Variants in ITGAV observed in about 807,000 individuals in gnomAD.
ITGAV encodes integrin alpha-V.
Under a neutral mutation model 143.8 loss-of-function variants are expected in ITGAV, and 76 were observed. The ratio of observed to expected loss-of-function variants is 0.53; its 90% CI spans 0.44 to 0.64. The LOEUF is 0.64. ITGAV is among the 30% of genes least tolerant of loss of function. The pLI, the probability that ITGAV is intolerant of heterozygous loss-of-function variation, is 0.00. For missense variants in ITGAV, 1,193 were observed against 1,274.7 expected (o/e 0.94, Z 0.98); for synonymous variants, 453 against 446.7 (o/e 1.01, Z -0.18).
intron 13 of ITGAV, among the ~76,000 whole-genome samples, chr2:186,648,979 TATACATTTGTGTGTATATATATAC>T (rs1194690449): frequency 7.0e-6 from 1 of 142,734 alleles, no homozygotes; most frequent in Non-Finnish European, 1.5e-5. Context: ...TTTGTATATA[TATACATTTGTGTGTATATATATAC>T]ACATTTGTGT....
intron 2 of ITGAV, among the ~76,000 whole-genome samples, chr2:186,620,892 A>G (rs1233873395): frequency 6.6e-6 from 1 of 152,204 alleles, no homozygotes; most frequent in East Asian, 1.9e-4. Context: ...ACGTACATAT[A>G]TTTATAAAAT....
intron 26 of ITGAV, among the ~76,000 whole-genome samples, chr2:186,670,899 T>C (rs1043437262): frequency 5.9e-5 from 9 of 152,232 alleles, no homozygotes; most frequent in Admixed American, 3.3e-4. Flanking sequence ...CCAAGTCTGC[T>C]CTTTCCATAA....
intron 2 of ITGAV, among the ~76,000 whole-genome samples, chr2:186,613,479 G>A (rs1011764506): frequency 6.6e-6 from 1 of 152,042 alleles, no homozygotes; most frequent in East Asian, 1.9e-4. Context: ...GGAAACAGCT[G>A]TATCTTATTT....
chr2:186,669,165 T>C (rs1688993724), intron 25 of ITGAV, among the ~76,000 whole-genome samples: 1 of 152,208 alleles, frequency 6.6e-6, no homozygotes, highest in South Asian at 2.1e-4. Flanking sequence ...AGATGTGTCC[T>C]TCAGTGACTC....
At chr2:186,598,065 C>T (rs1403667212) in intron 1 of ITGAV, among the ~76,000 whole-genome samples, 5 of 152,072 alleles carry the variant, frequency 3.3e-5, no homozygotes, top group Non-Finnish European at 4.4e-5. Flanking sequence ...CGTGTACATA[C>T]CTGTGCTTGT....
chr2:186,673,137 G>A (rs751570355), intron 26 of ITGAV, among the ~76,000 whole-genome samples: 4 of 152,130 alleles, frequency 2.6e-5, no homozygotes, highest in African/African-American at 4.8e-5. Flanking sequence ...TTTTGTGTGT[G>A]GCTATCCACC....
intron 1 of ITGAV, among the ~76,000 whole-genome samples, chr2:186,596,585 G>C (rs543899907): frequency 2.0e-5 from 3 of 152,068 alleles, no homozygotes; most frequent in South Asian, 4.1e-4. Context: ...TTTTAGTAGA[G>C]ATGGGGTTTC....
intron 2 of ITGAV, among the ~76,000 whole-genome samples, chr2:186,607,991 G>C (rs1290334574): frequency 6.6e-6 from 1 of 152,184 alleles, no homozygotes; most frequent in Non-Finnish European, 1.5e-5. Context: ...CTATGGAGTT[G>C]TTGCAAAAGA....
Position 186,677,446 on chromosome 2 carries a change from C to G in ITGAV, c.*154C>G. 1 of 592,908 alleles carries G rather than the reference C, an allele frequency of 1.7e-6. No individual in the cohort carries two copies. The highest frequency in any genetic ancestry group is 2.1e-5 in the South Asian group (1 of 47,452). 36.7% of individuals were successfully genotyped at this position (592,908 alleles called of 1,614,324 possible). On this transcript the variant is annotated 3_prime_UTR_variant, in exon 30 of 30. Transcript: ENST00000261023. ...CAAAATGAGAATTATATTTGTCAAC[C>G]TTCTCCTTATAAATAAGTTCAGACA...
At chr2:186,665,339 A>C in intron 21 of ITGAV, 121 bp downstream of exon 21, 1 of 655,554 alleles carries the variant, frequency 1.5e-6, no homozygotes, top group East Asian at 2.7e-5. Flanking sequence ...ATTGGTTTCG[A>C]TATAATAGTT....
intron 5 of ITGAV, 25 bp from the exon 6 acceptor site, chr2:186,633,304 C>T: frequency 2.0e-6 from 3 of 1,506,914 alleles, no homozygotes; most frequent in Non-Finnish European, 2.7e-6. Context: ...AAATATATAT[C>T]TTTTTGTTGT....
In ITGAV at chr2:186,590,533, C is replaced by T. The variant is rs761306595; in HGVS notation, c.185+10C>T. ...TGCCCAGCGCGTCTTCGTAAGTGGC[C>T]GCACTTGGAACTGGAGCCGGCCCCC... On this transcript the variant is annotated intron_variant, in intron 1 of 29. Transcript: ENST00000261023. 1.9e-6 allele frequency: 3 copies of T among 1,609,294 alleles called. No homozygotes were observed. Among genetic ancestry groups the T allele is most frequent in the East Asian group, 2.2e-5 (1 of 44,520 alleles).
chr2:186,672,811 G>A (rs908385861), intron 26 of ITGAV, among the ~76,000 whole-genome samples: 1 of 152,018 alleles, frequency 6.6e-6, no homozygotes, highest in African/African-American at 2.4e-5. Context: ...TATATATTCT[G>A]GATACTACCT....
chr2:186,638,258 G>A lies in ITGAV; in HGVS notation c.803-19G>A, dbSNP rs202077086. ...TGTTGTCCTAAAAAATGAATAATTT[G>A]TTTGTTTGTTTGTTTCAGACTTTGT... is the stretch of plus-strand genomic sequence containing the variant. On this transcript the variant is annotated intron_variant, in intron 8 of 29. Coordinates refer to ENST00000261023, the MANE Select transcript of ITGAV (RefSeq NM_002210.5). 1 of 1,608,656 alleles carries A rather than the reference G, an allele frequency of 6.2e-7. No homozygotes were observed. The highest frequency in any genetic ancestry group is 1.1e-5 in the South Asian group (1 of 90,802).
At chr2:186,673,044 A>G (rs1405524037) in intron 26 of ITGAV, among the ~76,000 whole-genome samples, 1 of 152,196 alleles carries the variant, frequency 6.6e-6, no homozygotes, top group Non-Finnish European at 1.5e-5. Context: ...TAAGTTTTAC[A>G]CTTACAGCTC....
intron 2 of ITGAV, among the ~76,000 whole-genome samples, chr2:186,619,487 C>T (rs781688999): frequency 2.3e-4 from 35 of 151,986 alleles, no homozygotes; most frequent in Non-Finnish European, 4.3e-4. Flanking sequence ...TTTTCTACCA[C>T]TGTAGGGTTA....
intron 2 of ITGAV, 21 bp from the exon 3 acceptor site, chr2:186,622,318 A>G (rs766548417): frequency 1.3e-6 from 2 of 1,520,224 alleles, no homozygotes; most frequent in Non-Finnish European, 1.8e-6. Context: ...GTGTCTTACC[A>G]CTCACAATAT....
intron 1 of ITGAV, among the ~76,000 whole-genome samples, chr2:186,594,132 T>C (rs927354969): frequency 1.3e-5 from 2 of 152,226 alleles, no homozygotes; most frequent in African/African-American, 4.8e-5. Flanking sequence ...TAAATAAAAC[T>C]CTTGCCCTGG....
chr2:186,665,306 A>T (rs2105743107), intron 21 of ITGAV, 88 bp downstream of exon 21: 1 of 797,234 alleles, frequency 1.3e-6, no homozygotes, highest in East Asian at 2.6e-5. Context: ...TTAAAAATAA[A>T]CACTTCAAAA....
Sources: allele counts gnomAD v4.1 joint callset (sites outside exome capture counted in the v4.1 genomes callset), GRCh38; gene constraint gnomAD v4.1.1; transcripts MANE v1.5; gene names NCBI Gene and HGNC (gene_info 2026-07-23, HGNC 2026-07-21).